The following ANKS1B variants were observed in gnomAD, a reference collection of about 807,000 sequenced individuals.
ANKS1B encodes ankyrin repeat and sterile alpha motif domain containing 1B, also known as ankyrin repeat and sterile alpha motif domain-containing protein 1B.
Under a neutral mutation model 148.3 loss-of-function variants are expected in ANKS1B, and 36 were observed. The observed-to-expected ratio is 0.24, with a 90% CI of 0.19 to 0.32. The LOEUF (loss-of-function observed/expected upper bound fraction) is 0.32, where lower values mean the gene tolerates loss of function less well. Ranked by LOEUF, ANKS1B falls within the 10% of genes least tolerant of loss-of-function variation. The probability of loss-of-function intolerance (pLI) is 1.00; values close to 1 mark genes in which losing one functional copy is unlikely to be tolerated. For synonymous variants in ANKS1B, 542 were observed against 560.8 expected, an observed-to-expected ratio of 0.97 and a Z score of 0.47; for missense variants, 1,157 against 1,542.6, an observed-to-expected ratio of 0.75 and a Z score of 4.19.
chr12:98,994,269 C>T (rs1455774877), intron 17 of ANKS1B, among the ~76,000 whole-genome samples: 1 of 152,096 alleles, frequency 6.6e-6, no homozygotes, highest in African/African-American at 2.4e-5. Flanking sequence ...GTTCTAATTA[C>T]TAGGGATACT....
intron 9 of ANKS1B, among the ~76,000 whole-genome samples, chr12:99,615,621 T>A (rs1303542869): frequency 1.3e-5 from 2 of 152,114 alleles, no homozygotes; most frequent in Non-Finnish European, 2.9e-5. Flanking sequence ...CCCAGTAAAC[T>A]AAGTATTGAT....
intron 10 of ANKS1B, among the ~76,000 whole-genome samples, chr12:99,500,290 G>C (rs1302362753): frequency 6.6e-6 from 1 of 152,130 alleles, no homozygotes; most frequent in African/African-American, 2.4e-5. Context: ...TACAAATGAT[G>C]CAGCTTCCTC....
intron 1 of ANKS1B, among the ~76,000 whole-genome samples, chr12:99,891,757 T>C (rs1294508262): frequency 6.6e-6 from 1 of 152,222 alleles, no homozygotes; most frequent in South Asian, 2.1e-4. Context: ...TTTATTAGGG[T>C]TGTTTTGGGT....
intron 8 of ANKS1B, among the ~76,000 whole-genome samples, chr12:99,738,351 A>G (rs1283896177): frequency 6.6e-6 from 1 of 152,176 alleles, no homozygotes; most frequent in Non-Finnish European, 1.5e-5. Flanking sequence ...CAGGAACAAT[A>G]CAGAAGTCTT....
At chr12:98,981,525 G>A (rs180773332) in intron 17 of ANKS1B, among the ~76,000 whole-genome samples, 2 of 151,954 alleles carry the variant, frequency 1.3e-5, no homozygotes, top group East Asian at 1.9e-4. Context: ...TAGTGGAGAC[G>A]GGGTTTCACC....
chr12:99,428,753 G>A (rs952409952), intron 11 of ANKS1B, among the ~76,000 whole-genome samples: 5 of 152,080 alleles, frequency 3.3e-5, no homozygotes, highest in Non-Finnish European at 2.9e-5. Context: ...ATTAATATAC[G>A]TAGTGCCTAA....
At chr12:98,802,764 T>C (rs1365386248) in intron 20 of ANKS1B, among the ~76,000 whole-genome samples, 1 of 151,944 alleles carries the variant, frequency 6.6e-6, no homozygotes, top group East Asian at 1.9e-4. Flanking sequence ...TCCTTCGGCT[T>C]TTCTCTCCTG....
chr12:99,280,354 T>TAC (rs2078252114), intron 12 of ANKS1B, among the ~76,000 whole-genome samples: 1 of 152,224 alleles, frequency 6.6e-6, no homozygotes, highest in Non-Finnish European at 1.5e-5. Flanking sequence ...TCTTGCTGGA[T>TAC]ACATAATCTG....
At chr12:99,139,414 C>CT (rs1340342595) in intron 15 of ANKS1B, among the ~76,000 whole-genome samples, 1 of 5,460 alleles carries the variant, frequency 1.8e-4, no homozygotes, top group African/African-American at 4.4e-3. Flanking sequence ...TTCTTTCTTT[C>CT]TTTCTTTCTT....
intron 17 of ANKS1B, among the ~76,000 whole-genome samples, chr12:98,889,231 G>C (rs1388246502): frequency 6.6e-6 from 1 of 152,084 alleles, no homozygotes; most frequent in Non-Finnish European, 1.5e-5. Context: ...TGGGAAAATA[G>C]GAAATTAAAA....
intron 12 of ANKS1B, among the ~76,000 whole-genome samples, chr12:99,378,165 C>A (rs2093469376): frequency 6.6e-6 from 1 of 152,172 alleles, no homozygotes. Context: ...CTCATAGGTC[C>A]TCCCTGTTAA....
chr12:98,986,811 G>T (rs1471948432), intron 17 of ANKS1B, among the ~76,000 whole-genome samples: 3 of 151,896 alleles, frequency 2.0e-5, no homozygotes, highest in African/African-American at 7.3e-5. Context: ...TAGAGACAGG[G>T]CCTTGTTATG....
At chr12:99,133,693 T>C (rs1203834274) in intron 15 of ANKS1B, among the ~76,000 whole-genome samples, 2 of 152,196 alleles carry the variant, frequency 1.3e-5, no homozygotes, top group Non-Finnish European at 2.9e-5. Context: ...AGCTAAGAAG[T>C]TGTGGCCCAA....
intron 9 of ANKS1B, among the ~76,000 whole-genome samples, chr12:99,510,271 T>A (rs939710059): frequency 6.6e-6 from 1 of 151,968 alleles, no homozygotes; most frequent in Non-Finnish European, 1.5e-5. Flanking sequence ...ATTTAAGAAA[T>A]ACATTATATA....
At chr12:99,926,469 A>G (rs909657702) in intron 1 of ANKS1B, among the ~76,000 whole-genome samples, 2 of 152,164 alleles carry the variant, frequency 1.3e-5, no homozygotes, top group Admixed American at 6.5e-5. Flanking sequence ...TTCCAGCCCA[A>G]CTGCCTTTAA....
At chr12:99,554,091 G>A (rs190051727) in intron 9 of ANKS1B, among the ~76,000 whole-genome samples, 1 of 152,120 alleles carries the variant, frequency 6.6e-6, no homozygotes, top group South Asian at 2.1e-4. Context: ...GAGAAAGAGA[G>A]AGACCAAATC....
At chr12:98,775,131 C>T (rs1354931617) in intron 24 of ANKS1B, among the ~76,000 whole-genome samples, 1 of 152,172 alleles carries the variant, frequency 6.6e-6, no homozygotes, top group African/African-American at 2.4e-5. Flanking sequence ...TTTGGTCTCA[C>T]TTGTCCAGGA....
At chr12:99,916,555 A>G (rs770358795) in intron 1 of ANKS1B, among the ~76,000 whole-genome samples, 1 of 152,204 alleles carries the variant, frequency 6.6e-6, no homozygotes, top group Non-Finnish European at 1.5e-5. Flanking sequence ...GAATCCAAAC[A>G]CTGGTTCTCT....
At chr12:99,118,015 C>T (rs1412329591) in intron 15 of ANKS1B, among the ~76,000 whole-genome samples, 1 of 152,054 alleles carries the variant, frequency 6.6e-6, no homozygotes, top group Non-Finnish European at 1.5e-5. Flanking sequence ...CTGATGGTAG[C>T]TTGTATTTCT....
Sources: gnomAD v4.1 joint callset for allele counts (sites outside exome capture counted in the v4.1 genomes callset) on GRCh38, gnomAD v4.1.1 for gene constraint, MANE v1.5 for transcripts, NCBI Gene and HGNC (gene_info 2026-07-23, HGNC 2026-07-21) for gene names.